TSHZ2: variants seen among roughly 807,000 people sequenced by gnomAD.
TSHZ2 encodes teashirt homolog 2.
TSHZ2 carries 21 observed loss-of-function variants against 74.4 expected under a neutral mutation model. That is an observed-to-expected ratio of 0.28 (90% confidence interval 0.20 to 0.41). TSHZ2 has a LOEUF of 0.41. Ranked by LOEUF, TSHZ2 falls within the 10% of genes least tolerant of loss-of-function variation. The pLI is 1.00. For synonymous variants in TSHZ2, 540 were observed against 515.3 expected, an observed-to-expected ratio of 1.05 and a Z score of -0.65; for missense variants, 1,244 against 1,293.5, an observed-to-expected ratio of 0.96 and a Z score of 0.59.
At chr20:52,989,852 AT>A (rs951365460) in intron 1 of TSHZ2, among the ~76,000 whole-genome samples, 11 of 151,370 alleles carry the variant, frequency 7.3e-5, no homozygotes, top group South Asian at 2.1e-4. Context: ...ATATTTTGTA[AT>A]TTTTTTTCCT....
chr20:53,106,357 A>ATAAAT lies in TSHZ2; in HGVS notation c.40+133027_40+133031dup, dbSNP rs539316182. Among the ~76,000 whole-genome samples, 79 of 140,826 alleles carry ATAAAT rather than the reference A, an allele frequency of 5.6e-4. No individual in the cohort carries two copies. In the East Asian group the frequency reaches 0.015, roughly 27 times the overall value. The allele number at this position is 140,826 out of a possible 152,430, so 92.4% of individuals were successfully genotyped here. A position where few individuals can be genotyped will look rare whatever the true frequency, so the allele number is the denominator to read the frequency against. On this transcript the variant is annotated intron_variant, in intron 1 of 2. Coordinates refer to ENST00000371497, the MANE Select transcript of TSHZ2 (RefSeq NM_173485.6). Reference sequence around the variant, plus strand: ...CTGAGCCTGGCTTATGTCACTTACCATAAATTATTTCCTCTAGGGCCTTCT... The same window carrying ATAAAT: ...CTGAGCCTGGCTTATGTCACTTACCATAAATTAAATTATTTCCTCTAGGGCCTTCT...
intron 1 of TSHZ2, among the ~76,000 whole-genome samples, chr20:53,002,973 G>C (rs190774987): frequency 6.6e-6 from 1 of 152,280 alleles, no homozygotes; most frequent in Non-Finnish European, 1.5e-5. Flanking sequence ...TTCCTTCCCA[G>C]TTGCTAACCA....
intron 1 of TSHZ2, among the ~76,000 whole-genome samples, chr20:52,990,622 G>A (rs1251317838): frequency 6.6e-6 from 1 of 152,128 alleles, no homozygotes; most frequent in Non-Finnish European, 1.5e-5. Context: ...ATGGGGTCGG[G>A]TCAGGGAAGG....
intron 1 of TSHZ2, among the ~76,000 whole-genome samples, chr20:53,031,310 T>A (rs1358473024): frequency 6.6e-6 from 1 of 152,200 alleles, no homozygotes; most frequent in African/African-American, 2.4e-5. Context: ...ACATTTGAGT[T>A]AACAACATTC....
chr20:53,104,490 G>A (rs746671625), intron 1 of TSHZ2, among the ~76,000 whole-genome samples: 1 of 152,158 alleles, frequency 6.6e-6, no homozygotes, highest in Non-Finnish European at 1.5e-5. Context: ...AATTGAGTAG[G>A]GAAAGGGACT....
Position 53,489,700 on chromosome 20 carries a change from A to C in TSHZ2, c.*2565A>C. ...GGAGGTGAGAGAAAAAAATATTGATAAATTTGGTAAGACAGGTGAATTGCC... is the reference window on the plus strand; with the variant it reads ...GGAGGTGAGAGAAAAAAATATTGATCAATTTGGTAAGACAGGTGAATTGCC... On this transcript the variant is annotated 3_prime_UTR_variant, in exon 3 of 3. Coordinates refer to ENST00000371497, the MANE Select transcript of TSHZ2 (RefSeq NM_173485.6). 1 of 156,856 alleles carries C rather than the reference A, an allele frequency of 6.4e-6. No homozygotes were observed. The highest frequency in any genetic ancestry group is 6.2e-5 in the Admixed American group (1 of 16,140). 9.7% of individuals were successfully genotyped at this position (156,856 alleles called of 1,614,324 possible).
At chr20:53,011,834 A>G (rs1462815101) in intron 1 of TSHZ2, among the ~76,000 whole-genome samples, 2 of 152,182 alleles carry the variant, frequency 1.3e-5, no homozygotes, top group Non-Finnish European at 2.9e-5. Context: ...TGAAGAGTGA[A>G]TGGTTCAACT....
intron 2 of TSHZ2, among the ~76,000 whole-genome samples, chr20:53,351,598 GC>G (rs1408693089): frequency 1.3e-5 from 2 of 152,128 alleles, no homozygotes; most frequent in Non-Finnish European, 2.9e-5. Context: ...TCTAAAAATG[GC>G]CTCTGAGATT....
At chr20:53,169,704 T>A (rs1240864701) in intron 1 of TSHZ2, among the ~76,000 whole-genome samples, 1 of 152,164 alleles carries the variant, frequency 6.6e-6, no homozygotes, top group Non-Finnish European at 1.5e-5. Context: ...TTAAACAGAA[T>A]CCAGTTTATA....
At chr20:53,407,410 G>T (rs1982892275) in intron 2 of TSHZ2, among the ~76,000 whole-genome samples, 1 of 152,138 alleles carries the variant, frequency 6.6e-6, no homozygotes, top group Non-Finnish European at 1.5e-5. Flanking sequence ...AAAACACTCA[G>T]TGCCCTCACT....
intron 1 of TSHZ2, among the ~76,000 whole-genome samples, chr20:53,103,493 TG>T (rs1222114882): frequency 6.6e-6 from 1 of 152,188 alleles, no homozygotes; most frequent in Non-Finnish European, 1.5e-5. Flanking sequence ...AGAAATTGTT[TG>T]GGGGGAAATA....
intron 1 of TSHZ2, among the ~76,000 whole-genome samples, chr20:53,052,735 C>T (rs1305716045): frequency 5.3e-5 from 8 of 152,190 alleles, no homozygotes; most frequent in African/African-American, 1.2e-4. Flanking sequence ...TTGGCTATTA[C>T]GAATAATGCT....
chr20:53,280,043 A>C (rs1440672846), intron 2 of TSHZ2, among the ~76,000 whole-genome samples: 1 of 152,144 alleles, frequency 6.6e-6, no homozygotes, highest in East Asian at 1.9e-4. Flanking sequence ...AGTTCAGATT[A>C]CTCTGAATAC....
At chr20:53,115,555 C>T (rs1986646455) in intron 1 of TSHZ2, among the ~76,000 whole-genome samples, 1 of 152,132 alleles carries the variant, frequency 6.6e-6, no homozygotes, top group African/African-American at 2.4e-5. Flanking sequence ...TTATAAATTA[C>T]CCAGTCTCAA....
At chr20:53,205,050 C>G (rs953397202) in intron 1 of TSHZ2, among the ~76,000 whole-genome samples, 23 of 149,650 alleles carry the variant, frequency 1.5e-4, no homozygotes, top group African/African-American at 5.2e-4. Flanking sequence ...GAGATCTCGC[C>G]ACTGCACTCC....
chr20:53,382,869 T>C (rs1228517789), intron 2 of TSHZ2, among the ~76,000 whole-genome samples: 1 of 152,232 alleles, frequency 6.6e-6, no homozygotes, highest in Non-Finnish European at 1.5e-5. Context: ...CTCAGTTCTA[T>C]GACCTTGGCC....
chr20:53,119,821 G>A (rs780019481), intron 1 of TSHZ2, among the ~76,000 whole-genome samples: 1 of 152,122 alleles, frequency 6.6e-6, no homozygotes, highest in African/African-American at 2.4e-5. Flanking sequence ...GCTTCGTAAA[G>A]CTTTATTTCT....
chr20:53,449,192 A>T (rs1415063586), intron 2 of TSHZ2, among the ~76,000 whole-genome samples: 1 of 152,188 alleles, frequency 6.6e-6, no homozygotes. Context: ...TATGATTAAC[A>T]TGTGGTCCCT....
intron 1 of TSHZ2, among the ~76,000 whole-genome samples, chr20:53,165,389 A>G (rs1333941554): frequency 6.6e-6 from 1 of 152,208 alleles, no homozygotes; most frequent in African/African-American, 2.4e-5. Flanking sequence ...ATTATCCAAC[A>G]TCACACCATG....
Sources: allele counts gnomAD v4.1 joint callset (sites outside exome capture counted in the v4.1 genomes callset), GRCh38; gene constraint gnomAD v4.1.1; transcripts MANE v1.5; gene names NCBI Gene and HGNC (gene_info 2026-07-23, HGNC 2026-07-21).